The following SGCZ variants were observed in gnomAD, a reference collection of about 807,000 sequenced individuals.
SGCZ encodes zeta-sarcoglycan.
SGCZ carries 40 observed loss-of-function variants against 41.3 expected under a neutral mutation model. The observed-to-expected ratio is 0.97, with a 90% CI of 0.75 to 1.26. The LOEUF is 1.26. SGCZ is among the 50% of genes most tolerant of loss of function. The pLI, the probability that SGCZ is intolerant of heterozygous loss-of-function variation, is 0.00. For missense variants in SGCZ, 552 were observed against 369.8 expected (o/e 1.49, Z -4.04); for synonymous variants, 206 against 137.5 (o/e 1.50, Z -3.49).
intron 2 of SGCZ, among the ~76,000 whole-genome samples, chr8:14,372,220 T>C (rs866093541): frequency 6.6e-6 from 1 of 152,240 alleles, no homozygotes; most frequent in Middle Eastern, 3.4e-3. Context: ...CATTGAGAAT[T>C]ATATGAAGAC....
At position 14,136,787 on chromosome 8, in the gene SGCZ, G is replaced by C. The variant is rs142550593; in HGVS notation, c.547+27793C>G. Among the ~76,000 whole-genome samples the C allele has an allele frequency of 6.0e-4, 91 of 152,282 alleles. 1 individual carries two copies. Among genetic ancestry groups the C allele is most frequent in the African/African-American group, 2.1e-3 (87 of 41,560 alleles). ...TTAAATGTCCCTGTCTGACAGCTTTGAAAAGAGCAGTGGTTCTCCCACCAT... is the reference window on the plus strand; with the variant it reads ...TTAAATGTCCCTGTCTGACAGCTTTCAAAAGAGCAGTGGTTCTCCCACCAT... On this transcript the variant is annotated intron_variant, in intron 5 of 7. Coordinates refer to ENST00000382080, the MANE Select transcript of SGCZ (RefSeq NM_139167.4).
chr8:15,154,122 C>G (rs1799258376), intron 1 of SGCZ, among the ~76,000 whole-genome samples: 1 of 152,156 alleles, frequency 6.6e-6, no homozygotes, highest in Non-Finnish European at 1.5e-5. Flanking sequence ...GGCCCGGTTC[C>G]TAACAGGCCA....
intron 1 of SGCZ, among the ~76,000 whole-genome samples, chr8:15,197,414 A>G (rs1254129190): frequency 6.6e-6 from 1 of 152,136 alleles, no homozygotes; most frequent in Non-Finnish European, 1.5e-5. Flanking sequence ...GAAAAATATC[A>G]AAGAGTTTAC....
intron 1 of SGCZ, among the ~76,000 whole-genome samples, chr8:15,142,396 T>C (rs1798914469): frequency 6.6e-6 from 1 of 152,156 alleles, no homozygotes; most frequent in Non-Finnish European, 1.5e-5. Flanking sequence ...ATATTTGATG[T>C]ATTTTGAGGT....
chr8:14,596,850 A>G (rs1176752577), intron 1 of SGCZ, among the ~76,000 whole-genome samples: 4 of 152,180 alleles, frequency 2.6e-5, no homozygotes, highest in African/African-American at 9.7e-5. Flanking sequence ...AAAATAATAA[A>G]GAAACAGAAT....
intron 1 of SGCZ, among the ~76,000 whole-genome samples, chr8:15,216,392 T>C (rs572435862): frequency 6.6e-6 from 1 of 151,992 alleles, no homozygotes; most frequent in Admixed American, 6.6e-5. Flanking sequence ...GCTAACTTTT[T>C]TATATTTTTA....
chr8:14,808,533 C>T (rs1005657442), intron 1 of SGCZ, among the ~76,000 whole-genome samples: 18 of 152,074 alleles, frequency 1.2e-4, no homozygotes, highest in Non-Finnish European at 1.8e-4. Flanking sequence ...CAATGAGATA[C>T]CATCTCACAC....
At chr8:14,879,784 C>A (rs925033611) in intron 1 of SGCZ, 1 of 151,022 alleles carries the variant, frequency 6.6e-6, no homozygotes, top group Non-Finnish European at 1.5e-5. Context: ...ACCAACAGTG[C>A]AGCTGTATTG....
chr8:14,253,133 TTAAGAA>T (rs1381151468), intron 3 of SGCZ, among the ~76,000 whole-genome samples: 1 of 151,956 alleles, frequency 6.6e-6, no homozygotes, highest in Admixed American at 6.6e-5. Context: ...TATGCTGTCA[TTAAGAA>T]TAAAACAGTA....
chr8:14,499,878 C>T (rs1185101026), intron 2 of SGCZ, among the ~76,000 whole-genome samples: 1 of 151,918 alleles, frequency 6.6e-6, no homozygotes, highest in Admixed American at 6.6e-5. Context: ...CTTTGAGAAA[C>T]ACATAAATAT....
At chr8:15,130,434 G>C (rs367736260) in intron 1 of SGCZ, among the ~76,000 whole-genome samples, 2 of 152,144 alleles carry the variant, frequency 1.3e-5, no homozygotes, top group African/African-American at 4.8e-5. Flanking sequence ...ATAAACACAC[G>C]ATTACCAAAA....
At chr8:14,193,766 T>C (rs1805180488) in intron 4 of SGCZ, among the ~76,000 whole-genome samples, 1 of 151,676 alleles carries the variant, frequency 6.6e-6, no homozygotes, top group African/African-American at 2.4e-5. Flanking sequence ...GTCTAGCTTG[T>C]CACCCTTGTC....
intron 2 of SGCZ, among the ~76,000 whole-genome samples, chr8:14,529,879 C>T (rs1283113944): frequency 6.6e-6 from 1 of 152,006 alleles, no homozygotes; most frequent in Admixed American, 6.6e-5. Context: ...TGTTGAAACA[C>T]ATTTCTAAAA....
intron 1 of SGCZ, among the ~76,000 whole-genome samples, chr8:14,584,285 C>A (rs1405649863): frequency 2.6e-5 from 4 of 151,918 alleles, no homozygotes; most frequent in Non-Finnish European, 4.4e-5. Context: ...GCACAGGTAA[C>A]CCGAGAAAGT....
chr8:15,014,741 C>T (rs1022974575), intron 1 of SGCZ, among the ~76,000 whole-genome samples: 1 of 152,208 alleles, frequency 6.6e-6, no homozygotes, highest in Admixed American at 6.5e-5. Context: ...GGAGTCCATA[C>T]TGACTTTATA....
At chr8:14,907,912 A>T (rs1799167445) in intron 1 of SGCZ, among the ~76,000 whole-genome samples, 1 of 152,212 alleles carries the variant, frequency 6.6e-6, no homozygotes. Context: ...GAGGAGAAAG[A>T]ATAGTTATTA....
intron 1 of SGCZ, among the ~76,000 whole-genome samples, chr8:14,830,696 C>A (rs1585300309): frequency 6.6e-6 from 1 of 152,064 alleles, no homozygotes; most frequent in South Asian, 2.1e-4. Context: ...AGGAATGCTG[C>A]TGATTTATAT....
chr8:14,325,855 A>G (rs190972142), intron 2 of SGCZ, among the ~76,000 whole-genome samples: 101 of 146,790 alleles, frequency 6.9e-4, no homozygotes, highest in African/African-American at 2.4e-3. Flanking sequence ...TCATGCCTGT[A>G]AAATCCCAGT....
chr8:14,498,094 C>T (rs1452522064), intron 2 of SGCZ, among the ~76,000 whole-genome samples: 1 of 152,000 alleles, frequency 6.6e-6, no homozygotes, highest in African/African-American at 2.4e-5. Flanking sequence ...TTTTGGGGGG[C>T]CCATTTTTCT....
Sources: allele counts gnomAD v4.1 joint callset (sites outside exome capture counted in the v4.1 genomes callset), GRCh38; gene constraint gnomAD v4.1.1; transcripts MANE v1.5; gene names NCBI Gene and HGNC (gene_info 2026-07-23, HGNC 2026-07-21).